FAM184A: variants seen among roughly 807,000 people sequenced by gnomAD.
FAM184A encodes the protein protein FAM184A.
A neutral mutation model predicts 143.8 loss-of-function variants in FAM184A; 99 were observed. That is an observed-to-expected ratio of 0.69 (90% CI 0.58 to 0.81). The LOEUF (loss-of-function observed/expected upper bound fraction) is 0.81, where lower values mean the gene tolerates loss of function less well. Among genes scored for constraint, FAM184A ranks in the 40% least tolerant of loss-of-function variants. The probability of loss-of-function intolerance (pLI) is 0.00; values close to 1 mark genes in which losing one functional copy is unlikely to be tolerated. For missense variants in FAM184A, 1,217 were observed against 1,310.5 expected, an observed-to-expected ratio of 0.93 and a Z score of 1.10; for synonymous variants, 427 against 446.4, an observed-to-expected ratio of 0.96 and a Z score of 0.55.
At chr6:119,025,189 AG>A (rs1785586371) in intron 1 of FAM184A, among the ~76,000 whole-genome samples, 1 of 152,214 alleles carries the variant, frequency 6.6e-6, no homozygotes, top group South Asian at 2.1e-4. Context: ...AGGGGTGTTC[AG>A]GAGAAAAAGT....
intron 1 of FAM184A, among the ~76,000 whole-genome samples, chr6:119,031,206 A>T (rs1018504105): frequency 1.3e-5 from 2 of 152,208 alleles, no homozygotes; most frequent in African/African-American, 4.8e-5. Context: ...GTCCTCATTT[A>T]TGCCTGCTCT....
chr6:119,136,202 C>G (rs377555888), intron 1 of FAM184A, among the ~76,000 whole-genome samples: 1 of 138,228 alleles, frequency 7.2e-6, no homozygotes, highest in South Asian at 2.3e-4. Context: ...GGCGTGAACC[C>G]GGGAAGCGGA....
intron 1 of FAM184A, among the ~76,000 whole-genome samples, chr6:119,102,318 A>G (rs1788658750): frequency 6.6e-6 from 1 of 152,134 alleles, no homozygotes; most frequent in Non-Finnish European, 1.5e-5. Flanking sequence ...ATTCCCCCCA[A>G]TTATTACTAA....
At chr6:119,056,110 A>G (rs1248166398) in intron 1 of FAM184A, among the ~76,000 whole-genome samples, 1 of 152,254 alleles carries the variant, frequency 6.6e-6, no homozygotes, top group African/African-American at 2.4e-5. Context: ...TAAGGTCTAC[A>G]TTGATTCCTA....
intron 9 of FAM184A, among the ~76,000 whole-genome samples, chr6:118,996,257 T>A (rs141324895): frequency 2.6e-5 from 4 of 152,210 alleles, no homozygotes; most frequent in Admixed American, 6.5e-5. Flanking sequence ...GAGGATATAA[T>A]GTAGCCAAAG....
chr6:119,056,719 G>A (rs986979986), intron 1 of FAM184A, among the ~76,000 whole-genome samples: 1 of 152,110 alleles, frequency 6.6e-6, no homozygotes, highest in Admixed American at 6.5e-5. Flanking sequence ...AGAGACAAGA[G>A]AAGAAAAGCC....
At chr6:119,069,148 G>T (rs1350754035) in intron 1 of FAM184A, 1 of 287,700 alleles carries the variant, frequency 3.5e-6, no homozygotes, top group South Asian at 3.1e-5. Context: ...AGTCTGAAAT[G>T]GAATAATAAA....
rs965479305 is a variant in FAM184A, at chr6:119,078,381, G to A, written c.-82C>T. ...GAGCAACGACGCCCGGGAGGCAAGA[G>A]TCGCGGCGGCCGCTTCCCGACCCGA... On this transcript the variant is annotated 5_prime_UTR_variant, in exon 1 of 18. Transcript: ENST00000338891. The surrounding 1 kb of genome is among the most constrained non-coding windows in gnomAD (Gnocchi z 5.5). The A allele has an allele frequency of 1.4e-5, 19 of 1,325,116 alleles. No individual in the cohort carries two copies. Among genetic ancestry groups the A allele is most frequent in the Non-Finnish European group, 1.8e-5 (19 of 1,029,632 alleles). The allele number at this position is 1,325,116 out of a possible 1,614,324, so 82.1% of individuals were successfully genotyped here.
upstream of FAM184A, among the ~76,000 whole-genome samples, chr6:119,080,688 A>G (rs867980236): frequency 3.3e-5 from 5 of 152,164 alleles, no homozygotes; most frequent in South Asian, 8.3e-4. Context: ...CAAAAATCTG[A>G]AATCCAAAAT....
chr6:119,017,510 A>G (rs552446476), intron 4 of FAM184A, among the ~76,000 whole-genome samples: 43 of 152,214 alleles, frequency 2.8e-4, no homozygotes, highest in Middle Eastern at 3.4e-3. Context: ...AAAAAAAAAA[A>G]AGAGTAAAGG....
chr6:119,024,377 T>C lies in FAM184A; in HGVS notation c.596A>G (p.Gln199Arg). The change falls in exon 2 of 18, where the codon CAA (glutamine) becomes CGA (arginine). Residue 199 changes from glutamine (Q) to arginine (R), a missense_variant. By Grantham distance (43) the Gln-to-Arg change is conservative. Coordinates refer to ENST00000338891, the MANE Select transcript of FAM184A (RefSeq NM_024581.6). ...DLQAAHRREI[Q>R]ELLKSQQDHS... ...ATCCTGCTGTGACTTCAATAGCTCT[T>C]GTATCTCCCGTCTGTGAGCAGCTTG... 2 of 1,614,224 alleles carry C rather than the reference T, an allele frequency of 1.2e-6. No individual in the cohort carries two copies. Among genetic ancestry groups the C allele is most frequent in the Non-Finnish European group, 8.5e-7 (1 of 1,180,034 alleles).
intron 1 of FAM184A, among the ~76,000 whole-genome samples, chr6:119,143,374 T>C (rs1186684307): frequency 6.6e-6 from 1 of 152,176 alleles, no homozygotes; most frequent in East Asian, 1.9e-4. Flanking sequence ...CATTGTCCTG[T>C]TCAGAAAATC....
chr6:119,004,810 G>A (rs972034891), intron 7 of FAM184A, among the ~76,000 whole-genome samples: 3 of 152,080 alleles, frequency 2.0e-5, no homozygotes, highest in South Asian at 2.1e-4. Flanking sequence ...ACAGAAGTAC[G>A]ATGTAAATAT....
intron 1 of FAM184A, among the ~76,000 whole-genome samples, chr6:119,033,890 G>A (rs1354040690): frequency 5.4e-5 from 8 of 146,824 alleles, no homozygotes; most frequent in East Asian, 2.0e-4. Flanking sequence ...TACCCAGGAG[G>A]CTGAGGCAGG....
In FAM184A at chr6:118,979,490, T is replaced by C. The variant is rs1254269254; in HGVS notation, c.2330A>G (p.His777Arg). The change falls in exon 11 of 18, where the codon CAT becomes CGT. Residue 777 changes from histidine to arginine, a missense_variant. Transcript: ENST00000338891. ...RALENHLQQK[H>R]SAELQSLKDA... ...TTTTAGTGATTGAAGCTCTGCAGAA[T>C]GCTTCTGTTGTAAATGATTTTCAAG... 5.0e-6 allele frequency: 8 copies of C among 1,611,892 alleles called. No homozygotes were observed. Among genetic ancestry groups the C allele is most frequent in the South Asian group, 1.1e-5 (1 of 90,284 alleles).
chr6:118,967,998 C>T (rs1312980260), intron 14 of FAM184A, among the ~76,000 whole-genome samples: 7 of 152,174 alleles, frequency 4.6e-5, no homozygotes, highest in Non-Finnish European at 5.9e-5. Flanking sequence ...CCTCCAAAAA[C>T]TCAGCCTAAG....
intron 9 of FAM184A, among the ~76,000 whole-genome samples, chr6:119,000,865 G>T (rs1201853570): frequency 6.6e-6 from 1 of 151,802 alleles, no homozygotes; most frequent in Admixed American, 6.6e-5. Context: ...GCCTTGCGGG[G>T]CTAAAGGAAA....
chr6:119,117,893 T>A (rs1582631411), intron 1 of FAM184A, among the ~76,000 whole-genome samples: 1 of 151,892 alleles, frequency 6.6e-6, no homozygotes, highest in Admixed American at 6.6e-5. Context: ...GGGGTGGGGG[T>A]ATCCCAGAAG....
Position 118,986,094 on chromosome 6 carries a change from C to T in FAM184A, c.2089-5744G>A, listed in dbSNP as rs567651107. Among the ~76,000 whole-genome samples, 96 of 152,190 alleles carry T rather than the reference C, an allele frequency of 6.3e-4. No individual in the cohort carries two copies. The Middle Eastern group carries it at 0.014, about 22-fold the overall frequency. On this transcript the variant is annotated intron_variant, in intron 9 of 17. Transcript: ENST00000338891. ...GGATCACGAGGTCAGGAGATCGAGA[C>T]CATCCTGGCTAACACGGTGAAACCC...
Sources: gnomAD v4.1 joint callset for allele counts (sites outside exome capture counted in the v4.1 genomes callset) on GRCh38, gnomAD v4.1.1 for gene constraint, Gnocchi (gnomAD v3.1) non-coding constraint, MANE v1.5 for transcripts, NCBI Gene and HGNC (gene_info 2026-07-23, HGNC 2026-07-21) for gene names.